PIBF1: variants seen among roughly 807,000 people sequenced by gnomAD.
PIBF1 encodes the protein progesterone-induced-blocking factor 1.
Under a neutral mutation model 112.5 loss-of-function variants are expected in PIBF1, and 90 were observed. The ratio of observed to expected loss-of-function variants is 0.80; its 90% CI spans 0.67 to 0.95. The LOEUF (loss-of-function observed/expected upper bound fraction) is 0.95, where lower values mean the gene tolerates loss of function less well. Ranked by LOEUF, PIBF1 falls within the 40% of genes least tolerant of loss-of-function variation. PIBF1 has a pLI of 0.00. For synonymous variants in PIBF1, 301 were observed against 288.6 expected, an observed-to-expected ratio of 1.04 and a Z score of -0.44; for missense variants, 915 against 852.3, an observed-to-expected ratio of 1.07 and a Z score of -0.92.
chr13:72,897,659 A>G (rs187134286), intron 11 of PIBF1, among the ~76,000 whole-genome samples: 1 of 152,368 alleles, frequency 6.6e-6, no homozygotes, highest in Admixed American at 6.5e-5. Context: ...GAGCAGGGGT[A>G]GCTATTCTTA....
chr13:72,937,720 C>G (rs771438226), intron 14 of PIBF1, among the ~76,000 whole-genome samples: 7 of 152,036 alleles, frequency 4.6e-5, no homozygotes, highest in Non-Finnish European at 1.0e-4. Flanking sequence ...GAGGCTGAGG[C>G]AGGAGAATAG....
chr13:72,963,423 G>A (rs1232645654), intron 14 of PIBF1, among the ~76,000 whole-genome samples: 3 of 151,904 alleles, frequency 2.0e-5, no homozygotes, highest in African/African-American at 4.8e-5. Flanking sequence ...GTGAAACCCC[G>A]TATCTACTAA....
intron 5 of PIBF1, among the ~76,000 whole-genome samples, chr13:72,798,227 C>T (rs752889989): frequency 7.9e-5 from 12 of 152,128 alleles, no homozygotes; most frequent in Non-Finnish European, 7.4e-5. Context: ...GTGTTATTGA[C>T]GTATCCTATA....
At position 72,802,840 on chromosome 13, in the gene PIBF1, T is replaced by C. The variant is rs143544202; in HGVS notation, c.672+4814T>C. Among the ~76,000 whole-genome samples, 21 of 152,132 alleles carry C rather than the reference T, an allele frequency of 1.4e-4. No homozygotes were observed. The East Asian group carries it at 4.1e-3, about 29-fold the overall frequency. On this transcript the variant is annotated intron_variant, in intron 5 of 17. Transcript: ENST00000326291. ...TAGGGAAGAGAAGGAAGACCACAGC[T>C]TGAGCTCCAGGGCACTTCAACATTG... is the stretch of plus-strand genomic sequence containing the variant.
intron 10 of PIBF1, among the ~76,000 whole-genome samples, chr13:72,856,811 T>C (rs1173259443): frequency 6.6e-6 from 1 of 152,206 alleles, no homozygotes; most frequent in African/African-American, 2.4e-5. Flanking sequence ...TTAATTAATA[T>C]ATAAATTCAG....
At chr13:72,887,941 G>T (rs1343148090) in intron 10 of PIBF1, among the ~76,000 whole-genome samples, 1 of 152,096 alleles carries the variant, frequency 6.6e-6, no homozygotes, top group African/African-American at 2.4e-5. Flanking sequence ...CTCCACCAAG[G>T]TCAATACAGT....
At chr13:72,853,697 A>G (rs955374398) in intron 9 of PIBF1, among the ~76,000 whole-genome samples, 3 of 152,200 alleles carry the variant, frequency 2.0e-5, no homozygotes, top group Non-Finnish European at 4.4e-5. Context: ...AAAATATTTT[A>G]TGGGACATTT....
chr13:72,784,292 A>AATAAAAT, intron 2 of PIBF1, among the ~76,000 whole-genome samples: 1 of 151,058 alleles, frequency 6.6e-6, no homozygotes, highest in South Asian at 2.1e-4. Flanking sequence ...AAAAAAAAAA[A>AATAAAAT]AAAATTAGCC....
intron 13 of PIBF1, among the ~76,000 whole-genome samples, chr13:72,927,966 T>TAC (rs1203418872): frequency 0.011 from 1,099 of 99,490 alleles, 75 homozygotes; most frequent in South Asian, 0.034. Context: ...TATACACATA[T>TAC]ATATATATAT....
At position 72,844,754 on chromosome 13, in the gene PIBF1, C is replaced by CACACACACGGATGAAGTCTTACTGTTT. The variant is rs1555296153; in HGVS notation, c.1224-9295_1224-9294insGGATGAAGTCTTACTGTTTACACACAC. On this transcript the variant is annotated intron_variant, in intron 9 of 17. Transcript: ENST00000326291. ...ACACACACACACACACACACACACA[C>CACACACACGGATGAAGTCTTACTGTTT]ACACACACACACACACACACACACA... Among the ~76,000 whole-genome samples the CACACACACGGATGAAGTCTTACTGTTT allele has an allele frequency of 2.6e-3, 268 of 102,192 alleles. 5 individuals carry two copies. The highest frequency in any genetic ancestry group is 5.5e-3 in the Middle Eastern group (1 of 182). 67.0% of individuals were successfully genotyped at this position (102,192 alleles called of 152,430 possible).
intron 12 of PIBF1, among the ~76,000 whole-genome samples, chr13:72,915,247 C>T (rs1324125528): frequency 6.6e-6 from 1 of 152,104 alleles, no homozygotes; most frequent in Non-Finnish European, 1.5e-5. Context: ...GGACTTCTCT[C>T]CTATTCCTTC....
chr13:72,887,998 G>A (rs932924659), intron 10 of PIBF1, among the ~76,000 whole-genome samples: 2 of 152,094 alleles, frequency 1.3e-5, no homozygotes, highest in Admixed American at 1.3e-4. Context: ...GCTCAATTCA[G>A]TTATTTTACA....
At chr13:73,004,967 C>T (rs1566540592) in intron 17 of PIBF1, among the ~76,000 whole-genome samples, 2 of 152,098 alleles carry the variant, frequency 1.3e-5, no homozygotes, top group Non-Finnish European at 2.9e-5. Flanking sequence ...TGGGGATCAC[C>T]TGAGATCAGG....
At chr13:72,832,554 G>T (rs1021387789) in intron 8 of PIBF1, among the ~76,000 whole-genome samples, 8 of 152,066 alleles carry the variant, frequency 5.3e-5, no homozygotes, top group African/African-American at 1.9e-4. Context: ...TGAAATTCTG[G>T]GTTGAAAATT....
At chr13:73,003,514 C>G (rs2043939821) in intron 17 of PIBF1, among the ~76,000 whole-genome samples, 1 of 152,032 alleles carries the variant, frequency 6.6e-6, no homozygotes, top group Middle Eastern at 3.2e-3. Context: ...CCTTGGCCTC[C>G]CAAAGTGCTG....
chr13:72,910,693 G>T (rs576340505), intron 12 of PIBF1, among the ~76,000 whole-genome samples: 2 of 152,244 alleles, frequency 1.3e-5, no homozygotes, highest in East Asian at 3.9e-4. Context: ...GAAAGGAATA[G>T]TAAGAATCTA....
intron 6 of PIBF1, among the ~76,000 whole-genome samples, chr13:72,825,438 A>G (rs1439013671): frequency 1.3e-5 from 2 of 152,210 alleles, no homozygotes; most frequent in Admixed American, 1.3e-4. Flanking sequence ...TAGATACATG[A>G]CCCTTGACCA....
chr13:72,839,768 CAT>C (rs1355471595), intron 9 of PIBF1, among the ~76,000 whole-genome samples: 1 of 152,042 alleles, frequency 6.6e-6, no homozygotes, highest in Non-Finnish European at 1.5e-5. Flanking sequence ...CCCATTGTAA[CAT>C]AAATGTGGTT....
chr13:72,901,738 G>A (rs548830163), intron 11 of PIBF1, among the ~76,000 whole-genome samples: 2 of 151,968 alleles, frequency 1.3e-5, no homozygotes, highest in East Asian at 3.9e-4. Context: ...GGCGATCAGG[G>A]AACACTTCTA....
Sources: gnomAD v4.1 joint callset for allele counts (sites outside exome capture counted in the v4.1 genomes callset) on GRCh38, gnomAD v4.1.1 for gene constraint, MANE v1.5 for transcripts, NCBI Gene and HGNC (gene_info 2026-07-23, HGNC 2026-07-21) for gene names.